ASIC2: variants seen among roughly 807,000 people sequenced by gnomAD.
ASIC2 encodes the protein acid sensing ion channel subunit 2.
ASIC2 carries 25 observed loss-of-function variants against 57.3 expected under a neutral mutation model. The observed-to-expected ratio is 0.44, with a 90% CI of 0.32 to 0.61. The LOEUF (loss-of-function observed/expected upper bound fraction) is 0.61, where lower values mean the gene tolerates loss of function less well. ASIC2 is among the 20% of genes least tolerant of loss of function. ASIC2 has a pLI of 0.06. For synonymous variants in ASIC2, 319 were observed against 307.5 expected (o/e 1.04, Z -0.39); for missense variants, 641 against 738.1 (o/e 0.87, Z 1.52).
intron 1 of ASIC2, chr17:34,006,645 A>G (rs571520316): frequency 3.3e-5 from 5 of 152,156 alleles, no homozygotes; most frequent in African/African-American, 1.2e-4. Flanking sequence ...ATACAGAATC[A>G]TTATATATAT....
At chr17:33,371,994 G>A (rs1454945125) in intron 1 of ASIC2, among the ~76,000 whole-genome samples, 3 of 152,028 alleles carry the variant, frequency 2.0e-5, no homozygotes, top group African/African-American at 4.8e-5. Context: ...GGCAGTGAGG[G>A]TGGTCACAAT....
intron 1 of ASIC2, among the ~76,000 whole-genome samples, chr17:33,312,732 C>A (rs891012128): frequency 6.6e-6 from 1 of 152,046 alleles, no homozygotes; most frequent in Non-Finnish European, 1.5e-5. Flanking sequence ...GTCGGGAGTT[C>A]GAGACCAGCC....
chr17:33,279,294 C>G (rs1904842310), intron 1 of ASIC2, among the ~76,000 whole-genome samples: 1 of 152,132 alleles, frequency 6.6e-6, no homozygotes, highest in Non-Finnish European at 1.5e-5. Flanking sequence ...CTGGGCATAT[C>G]TAAGCACCCA....
At chr17:33,978,794 T>A (rs1034941686) in intron 1 of ASIC2, among the ~76,000 whole-genome samples, 2 of 151,924 alleles carry the variant, frequency 1.3e-5, no homozygotes, top group Non-Finnish European at 2.9e-5. Context: ...GGGCCTGGGG[T>A]GTCAAAGAGC....
At chr17:33,250,548 C>A (rs558970074) in intron 1 of ASIC2, among the ~76,000 whole-genome samples, 2 of 152,216 alleles carry the variant, frequency 1.3e-5, no homozygotes, top group African/African-American at 4.8e-5. Flanking sequence ...TTATCCCATG[C>A]GCCATGTTCT....
At chr17:34,095,069 A>G (rs1910468494) in intron 1 of ASIC2, among the ~76,000 whole-genome samples, 1 of 152,224 alleles carries the variant, frequency 6.6e-6, no homozygotes, top group South Asian at 2.1e-4. Context: ...CTGGGTCTTC[A>G]GTTTCTCCAT....
chr17:33,533,260 C>T (rs979397093), intron 1 of ASIC2, among the ~76,000 whole-genome samples: 1 of 151,928 alleles, frequency 6.6e-6, no homozygotes, highest in African/African-American at 2.4e-5. Flanking sequence ...GCAGGAGAAT[C>T]GCTTGAACTC....
At chr17:33,146,863 T>G (rs1904583295) in intron 1 of ASIC2, among the ~76,000 whole-genome samples, 1 of 152,190 alleles carries the variant, frequency 6.6e-6, no homozygotes, top group South Asian at 2.1e-4. Context: ...GCTTGGGAGC[T>G]CTTATTACTT....
intron 1 of ASIC2, among the ~76,000 whole-genome samples, chr17:33,153,804 C>A (rs1904890269): frequency 6.6e-6 from 1 of 152,116 alleles, no homozygotes; most frequent in Non-Finnish European, 1.5e-5. Context: ...AGATCTTGTT[C>A]CTTCCAGAGA....
chr17:33,571,118 C>T (rs1277850276), intron 1 of ASIC2, among the ~76,000 whole-genome samples: 1 of 152,132 alleles, frequency 6.6e-6, no homozygotes, highest in Non-Finnish European at 1.5e-5. Flanking sequence ...AAGCGTACAC[C>T]ATTCCAGATT....
chr17:33,806,061 G>A (rs1444098792), intron 1 of ASIC2, among the ~76,000 whole-genome samples: 2 of 151,786 alleles, frequency 1.3e-5, no homozygotes, highest in Non-Finnish European at 2.9e-5. Flanking sequence ...TCCCATGGGG[G>A]CCACCCGCAG....
chr17:33,238,630 G>T (rs1319275973), intron 1 of ASIC2, among the ~76,000 whole-genome samples: 2 of 152,128 alleles, frequency 1.3e-5, no homozygotes, highest in African/African-American at 4.8e-5. Flanking sequence ...GAACACACCG[G>T]GCCCACTCCT....
intron 1 of ASIC2, among the ~76,000 whole-genome samples, chr17:33,605,197 C>T (rs1195371878): frequency 6.6e-6 from 1 of 152,236 alleles, no homozygotes; most frequent in Non-Finnish European, 1.5e-5. Flanking sequence ...GTGATACCTT[C>T]TGTGTCTGCC....
chr17:33,529,836 A>G (rs1419459973), intron 1 of ASIC2: 1 of 152,224 alleles, frequency 6.6e-6, no homozygotes, highest in East Asian at 1.9e-4. Flanking sequence ...TGTGTGCTTA[A>G]TAAATGTGGG....
chr17:33,199,791 G>T (rs1330463272), intron 1 of ASIC2, among the ~76,000 whole-genome samples: 1 of 152,106 alleles, frequency 6.6e-6, no homozygotes, highest in Non-Finnish European at 1.5e-5. Context: ...CTGGATACAT[G>T]TCACATGTCC....
chr17:33,363,706 A>C (rs1002353421), intron 1 of ASIC2, among the ~76,000 whole-genome samples: 1 of 152,188 alleles, frequency 6.6e-6, no homozygotes, highest in African/African-American at 2.4e-5. Flanking sequence ...AAATGAGGAG[A>C]ATCCAGAGAA....
intron 1 of ASIC2, among the ~76,000 whole-genome samples, chr17:34,106,954 G>A (rs778557796): frequency 6.6e-6 from 1 of 152,066 alleles, no homozygotes; most frequent in Non-Finnish European, 1.5e-5. Flanking sequence ...ACAGAGCTAA[G>A]AAATACATGC....
chr17:33,473,925 T>C (rs932708977), intron 1 of ASIC2, among the ~76,000 whole-genome samples: 2 of 152,038 alleles, frequency 1.3e-5, no homozygotes, highest in Non-Finnish European at 2.9e-5. Flanking sequence ...TAAAATTCAT[T>C]CGTCAATTAT....
chr17:33,093,402 C>G (rs1167714782), intron 2 of ASIC2, among the ~76,000 whole-genome samples: 2 of 151,644 alleles, frequency 1.3e-5, no homozygotes, highest in Non-Finnish European at 2.9e-5. Context: ...GTTTACACAT[C>G]ATGAACACCA....
Sources: allele counts gnomAD v4.1 joint callset (sites outside exome capture counted in the v4.1 genomes callset), GRCh38; gene constraint gnomAD v4.1.1; transcripts MANE v1.5; gene names NCBI Gene and HGNC (gene_info 2026-07-23, HGNC 2026-07-21).